Variants in CCNY observed in about 807,000 individuals in gnomAD.
CCNY encodes cyclin Y, also known as cyclin-Y.
CCNY carries 19 observed loss-of-function variants against 42.8 expected under a neutral mutation model. The observed-to-expected ratio is 0.44, with a 90% confidence interval of 0.31 to 0.65. CCNY has a LOEUF of 0.65. Ranked by LOEUF, CCNY falls within the 30% of genes least tolerant of loss-of-function variation. The pLI is 0.07. For missense variants in CCNY, 370 were observed against 437.3 expected (o/e 0.85, Z 1.37); for synonymous variants, 165 against 162.7 (o/e 1.01, Z -0.11).
intron 1 of CCNY, among the ~76,000 whole-genome samples, chr10:35,376,695 C>T (rs768179763): frequency 3.3e-5 from 5 of 152,280 alleles, no homozygotes; most frequent in East Asian, 1.9e-4. Context: ...GAGGGATGCT[C>T]AGCCTGTATT....
At chr10:35,325,333 C>T (rs1472846275) in intron 3 of CCNY, among the ~76,000 whole-genome samples, 1 of 152,156 alleles carries the variant, frequency 6.6e-6, no homozygotes, top group African/African-American at 2.4e-5. Flanking sequence ...CGTGCGCCAT[C>T]ACACCTGGCT....
At position 35,571,342 on chromosome 10, in the gene CCNY, T is replaced by G. The variant is rs562853745; in HGVS notation, c.*2172T>G. On this transcript the variant is annotated 3_prime_UTR_variant, in exon 10 of 10. Transcript: ENST00000374704. Reference sequence around the variant, plus strand: ...TTAAAAAAATTGTATAGTCTATTTATTGTATGTATGTACATACAGTCTGAT... The same window carrying G: ...TTAAAAAAATTGTATAGTCTATTTAGTGTATGTATGTACATACAGTCTGAT... 1.3e-5 allele frequency: 2 copies of G among 152,514 alleles called. No homozygotes were observed. The highest frequency in any genetic ancestry group is 3.8e-4 in the East Asian group (2 of 5,332). The allele number at this position is 152,514 out of a possible 1,614,324, so 9.4% of individuals were successfully genotyped here. A position where few individuals can be genotyped will look rare whatever the true frequency, so the allele number is the denominator to read the frequency against.
At chr10:35,561,675 C>T (rs1017252555) in intron 8 of CCNY, among the ~76,000 whole-genome samples, 15 of 152,184 alleles carry the variant, frequency 9.9e-5, no homozygotes, top group African/African-American at 2.7e-4. Flanking sequence ...AAGTGACCTT[C>T]CTGGTATTTT....
intron 1 of CCNY, among the ~76,000 whole-genome samples, chr10:35,448,388 GC>G (rs1374624703): frequency 3.9e-5 from 6 of 152,168 alleles, no homozygotes; most frequent in Non-Finnish European, 7.4e-5. Context: ...CCCATTACTT[GC>G]CGTGTGACTT....
chr10:35,269,269 A>ACTTCCTTCCTTCCTTC (rs68028146), intron 3 of CCNY, among the ~76,000 whole-genome samples: 4 of 149,432 alleles, frequency 2.7e-5, no homozygotes, highest in Admixed American at 1.3e-4. Flanking sequence ...CAAATAATCT[A>ACTTCCTTCCTTCCTTC]CTTCCTTCCT....
At chr10:35,297,277 C>CA (rs1474361396) in intron 3 of CCNY, among the ~76,000 whole-genome samples, 26 of 152,042 alleles carry the variant, frequency 1.7e-4, no homozygotes, top group Non-Finnish European at 8.8e-5. Context: ...TCAATAGATG[C>CA]AGAAAGGCTT....
At chr10:35,403,038 T>G (rs1412543086) in intron 1 of CCNY, among the ~76,000 whole-genome samples, 1 of 151,102 alleles carries the variant, frequency 6.6e-6, no homozygotes, top group Non-Finnish European at 1.5e-5. Context: ...AAGTGGTATT[T>G]TGGTTTCCTG....
intron 3 of CCNY, among the ~76,000 whole-genome samples, chr10:35,324,461 A>T (rs1307336754): frequency 6.6e-6 from 1 of 152,264 alleles, no homozygotes; most frequent in African/African-American, 2.4e-5. Context: ...AAGTATTTGT[A>T]CAAACCCTTT....
chr10:35,491,104 C>T (rs568271848), intron 2 of CCNY, among the ~76,000 whole-genome samples: 1 of 152,198 alleles, frequency 6.6e-6, no homozygotes, highest in South Asian at 2.1e-4. Context: ...TCCATTTGTG[C>T]GTGCTGGGCT....
intron 1 of CCNY, among the ~76,000 whole-genome samples, chr10:35,360,810 G>A (rs1444140603): frequency 6.6e-6 from 1 of 151,840 alleles, no homozygotes; most frequent in Non-Finnish European, 1.5e-5. Flanking sequence ...ATATGTCTCT[G>A]AGTCAGACAC....
At chr10:35,363,017 A>C (rs1160264291) in intron 1 of CCNY, among the ~76,000 whole-genome samples, 1 of 142,480 alleles carries the variant, frequency 7.0e-6, no homozygotes, top group Non-Finnish European at 1.5e-5. Flanking sequence ...CTCACTTCCC[A>C]GGTGGTGGGC....
intron 1 of CCNY, among the ~76,000 whole-genome samples, chr10:35,385,299 G>C (rs1837279378): frequency 6.6e-6 from 1 of 152,122 alleles, no homozygotes; most frequent in Non-Finnish European, 1.5e-5. Context: ...CCCAGAGCAG[G>C]GATATGCGAG....
At chr10:35,249,141 C>T (rs2095710154) in intron 2 of CCNY, among the ~76,000 whole-genome samples, 1 of 152,090 alleles carries the variant, frequency 6.6e-6, no homozygotes, top group Non-Finnish European at 1.5e-5. Context: ...CAGGTATTAA[C>T]ATGTTGCCCA....
intron 7 of CCNY, among the ~76,000 whole-genome samples, chr10:35,552,020 T>C (rs1841268672): frequency 6.6e-6 from 1 of 152,166 alleles, no homozygotes; most frequent in Non-Finnish European, 1.5e-5. Flanking sequence ...CACCTCTGGG[T>C]ATGTACCCAA....
chr10:35,485,521 C>A (rs922022214), intron 2 of CCNY, among the ~76,000 whole-genome samples: 11 of 152,030 alleles, frequency 7.2e-5, no homozygotes, highest in African/African-American at 2.4e-4. Flanking sequence ...GTCAGGAGAT[C>A]GAGACCATCC....
Position 35,529,965 on chromosome 10 carries a change from C to G in CCNY, c.402-8C>G, listed in dbSNP as rs1589184963. 1 of 1,610,730 alleles carries G rather than the reference C, an allele frequency of 6.2e-7. No homozygotes were observed. Among genetic ancestry groups the G allele is most frequent in the East Asian group, 2.2e-5 (1 of 44,866 alleles). On this transcript the variant is annotated splice_region_variant and splice_polypyrimidine_tract_variant and intron_variant, in intron 5 of 9. Coordinates refer to ENST00000374704, the MANE Select transcript of CCNY (RefSeq NM_145012.6). The stretch of plus-strand genomic sequence containing the variant: ...GTAAGTTTCATTTTCTATTATTTTC[C>G]CTACCAGGGACCCAGATGGAAGGAT...
intron 1 of CCNY, among the ~76,000 whole-genome samples, chr10:35,455,746 A>G (rs1174067151): frequency 6.7e-6 from 1 of 148,232 alleles, no homozygotes; most frequent in Non-Finnish European, 1.5e-5. Flanking sequence ...AACATTATTT[A>G]TGTGGTTAAC....
chr10:35,561,150 C>T (rs1347082448), intron 8 of CCNY, among the ~76,000 whole-genome samples: 1 of 152,146 alleles, frequency 6.6e-6, no homozygotes, highest in Non-Finnish European at 1.5e-5. Context: ...GAGGGAGGTG[C>T]GTGCCAGGAG....
intron 2 of CCNY, among the ~76,000 whole-genome samples, chr10:35,492,924 C>T (rs1839929182): frequency 6.6e-6 from 1 of 152,106 alleles, no homozygotes; most frequent in Non-Finnish European, 1.5e-5. Context: ...CGGGTCAGAA[C>T]TCAGCATGAC....
Sources: allele counts gnomAD v4.1 joint callset (sites outside exome capture counted in the v4.1 genomes callset), GRCh38; gene constraint gnomAD v4.1.1; transcripts MANE v1.5; gene names NCBI Gene and HGNC (gene_info 2026-07-23, HGNC 2026-07-21).